Variants in BMAL1 observed in about 807,000 individuals in gnomAD.
BMAL1 encodes basic helix-loop-helix ARNT like 1, also known as basic helix-loop-helix ARNT-like protein 1.
At chr11:13,326,725 TTATA>T in the BMAL1 span, among the ~76,000 whole-genome samples, 2 of 150,112 alleles carry the variant, frequency 1.3e-5, no homozygotes, top group African/African-American at 4.9e-5. Context: ...TATATAGGTA[TTATA>T]TATATATATA....
At chr11:13,358,629 C>G in the BMAL1 span, 1 of 1,500,152 alleles carries the variant, frequency 6.7e-7, no homozygotes, top group Non-Finnish European at 8.9e-7. Context: ...ATGTCCTTGC[C>G]CACAAATGTT....
the BMAL1 span, among the ~76,000 whole-genome samples, chr11:13,327,910 G>C: frequency 6.6e-6 from 1 of 152,284 alleles, no homozygotes; most frequent in Non-Finnish European, 1.5e-5. Flanking sequence ...GGAAGGCTAT[G>C]TGCTCTTTTG....
At chr11:13,379,748 T>C in the BMAL1 span, 3 of 152,224 alleles carry the variant, frequency 2.0e-5, no homozygotes, top group Non-Finnish European at 4.4e-5. Flanking sequence ...AGGGCTATTC[T>C]TGAGTGGGCA....
At chr11:13,362,374 C>CT in the BMAL1 span, among the ~76,000 whole-genome samples, 1 of 152,164 alleles carries the variant, frequency 6.6e-6, no homozygotes, top group Non-Finnish European at 1.5e-5. Context: ...TAGGACTTCT[C>CT]TTTCATTTCT....
the BMAL1 span, among the ~76,000 whole-genome samples, chr11:13,333,970 C>CTGAAGTATTAATTCT: frequency 2.0e-5 from 3 of 152,294 alleles, no homozygotes; most frequent in South Asian, 6.2e-4. Context: ...CTTTCTATGG[C>CTGAAGTATTAATTCT]ATGGCAGTCA....
the BMAL1 span, among the ~76,000 whole-genome samples, chr11:13,341,595 C>A: frequency 6.6e-6 from 1 of 152,228 alleles, no homozygotes; most frequent in Non-Finnish European, 1.5e-5. Context: ...TCTCCCTTTG[C>A]CACCAGATAA....
chr11:13,317,280 G>A, the BMAL1 span, among the ~76,000 whole-genome samples: 1 of 152,124 alleles, frequency 6.6e-6, no homozygotes, highest in Admixed American at 6.5e-5. Flanking sequence ...ATTATTATTA[G>A]CACAAGTATG....
chr11:13,348,246 C>T, the BMAL1 span, among the ~76,000 whole-genome samples: 1 of 152,204 alleles, frequency 6.6e-6, no homozygotes, highest in African/African-American at 2.4e-5. Flanking sequence ...GTTTTGGGAA[C>T]TCTTGTCTTT....
At chr11:13,349,646 A>T in the BMAL1 span, among the ~76,000 whole-genome samples, 2 of 152,248 alleles carry the variant, frequency 1.3e-5, no homozygotes, top group Non-Finnish European at 2.9e-5. Context: ...ACTTCCTTCT[A>T]AGGACATGCC....
the BMAL1 span, chr11:13,357,140 G>A: frequency 6.2e-7 from 1 of 1,611,510 alleles, no homozygotes; most frequent in Non-Finnish European, 8.5e-7. This position sits in a 1 kb window ranked among gnomAD's most constrained non-coding sequence, Gnocchi z 4.8. Flanking sequence ...CCTAGTTCTG[G>A]TTGCTTAGAG....
the BMAL1 span, among the ~76,000 whole-genome samples, chr11:13,289,467 T>A: frequency 6.6e-6 from 1 of 152,204 alleles, no homozygotes; most frequent in Non-Finnish European, 1.5e-5. Context: ...TGTGCCATGT[T>A]GGTTTGCTGC....
chr11:13,373,946 C>A, the BMAL1 span: 1 of 620,436 alleles, frequency 1.6e-6, no homozygotes. Flanking sequence ...AAGATCCACA[C>A]AGTGAGCCCT....
chr11:13,376,173 G>A, the BMAL1 span, among the ~76,000 whole-genome samples: 1 of 152,200 alleles, frequency 6.6e-6, no homozygotes, highest in African/African-American at 2.4e-5. Flanking sequence ...CAGGCAGGGG[G>A]CCCAAGCACT....
chr11:13,317,859 A>G, the BMAL1 span, among the ~76,000 whole-genome samples: 1 of 152,268 alleles, frequency 6.6e-6, no homozygotes, highest in Non-Finnish European at 1.5e-5. Context: ...ACTTTCAGGC[A>G]GAGGTTGAAA....
At chr11:13,312,192 A>T in the BMAL1 span, among the ~76,000 whole-genome samples, 1 of 152,190 alleles carries the variant, frequency 6.6e-6, no homozygotes, top group Non-Finnish European at 1.5e-5. Context: ...ATCCCATTTC[A>T]TCTTTGCAAT....
chr11:13,291,585 C>T, the BMAL1 span, among the ~76,000 whole-genome samples: 6 of 152,164 alleles, frequency 3.9e-5, no homozygotes, highest in East Asian at 7.7e-4. Context: ...AACTGGTCAG[C>T]GGCAGAGGCA....
chr11:13,350,021 C>T, the BMAL1 span: 3 of 152,282 alleles, frequency 2.0e-5, no homozygotes, highest in Non-Finnish European at 2.9e-5. Flanking sequence ...AGTCCAGAGG[C>T]CCCTAACTCC....
the BMAL1 span, chr11:13,372,045 A>G: frequency 7.3e-7 from 1 of 1,368,758 alleles, no homozygotes; most frequent in South Asian, 1.4e-5. Context: ...CTGGAGAGTG[A>G]AGCCTTGATT....
chr11:13,289,461 C>T, the BMAL1 span, among the ~76,000 whole-genome samples: 3 of 152,122 alleles, frequency 2.0e-5, no homozygotes, highest in Non-Finnish European at 2.9e-5. Flanking sequence ...TATACATGTG[C>T]CATGTTGGTT....
Sources: gnomAD v4.1 joint callset for allele counts (sites outside exome capture counted in the v4.1 genomes callset) on GRCh38, gnomAD v4.1.1 for gene constraint, Gnocchi (gnomAD v3.1) non-coding constraint, MANE v1.5 for transcripts, NCBI Gene and HGNC (gene_info 2026-07-23, HGNC 2026-07-21) for gene names.